The following NUMA1 variants were observed in gnomAD, a reference collection of about 807,000 sequenced individuals.
NUMA1 encodes the protein SP-H antigen.
A neutral mutation model predicts 237.1 loss-of-function variants in NUMA1; 62 were observed. That is an observed-to-expected ratio of 0.26 (90% CI 0.21 to 0.32). The LOEUF is 0.32. NUMA1 is among the 10% of genes least tolerant of loss of function. NUMA1 has a pLI of 1.00. For synonymous variants in NUMA1, 1,028 were observed against 1,066.1 expected, an observed-to-expected ratio of 0.96 and a Z score of 0.70; for missense variants, 2,533 against 2,666.5, an observed-to-expected ratio of 0.95 and a Z score of 1.10.
At chr11:72,048,332 C>A (rs1459203317) in intron 2 of NUMA1, among the ~76,000 whole-genome samples, 4 of 151,708 alleles carry the variant, frequency 2.6e-5, no homozygotes, top group African/African-American at 7.3e-5. Flanking sequence ...AGCACATTCT[C>A]AGCAAATCAA....
Position 72,009,364 on chromosome 11 carries a change from C to A in NUMA1, c.4743G>T (p.Glu1581Asp). The A allele has an allele frequency of 6.2e-7, 1 of 1,610,898 alleles. No homozygotes were observed. ...GGAGGCGCTGGGCCTCCTGCTGGCT[C>A]TCGCCTCCCTGAGCCTGGACAGCCT... ...KLKAVQAQGG[E>D]SQQEAQRLQA... The change falls in exon 18 of 27, where the codon GAG (glutamate) becomes GAT (aspartate). Residue 1581 changes from glutamate (E) to aspartate (D), a missense_variant. By Grantham distance (45) the Glu-to-Asp change is conservative. Around this residue, in one of 3 missense-constraint regions of NUMA1, gnomAD observed 795 missense variants for 750.8 expected, o/e 1.06. Coordinates refer to ENST00000393695, the MANE Select transcript of NUMA1 (RefSeq NM_006185.4).
chr11:72,004,026 C>T lies in NUMA1; in HGVS notation c.6197G>A (p.Arg2066Gln), dbSNP rs776674076. 34 of 1,613,520 alleles carry T rather than the reference C, an allele frequency of 2.1e-5. No homozygotes were observed. Among genetic ancestry groups the T allele is most frequent in the Non-Finnish European group, 2.7e-5 (32 of 1,179,732 alleles). Residue 2066 changes from arginine to glutamine, a missense_variant, in exon 26 of 27, where the codon CGG (arginine) becomes CAG (glutamine). Arg to Gln is a conservative substitution (Grantham distance 43). Coordinates refer to ENST00000393695, the MANE Select transcript of NUMA1 (RefSeq NM_006185.4). ...PKKLGNSLLR[R>Q]GASKKALSKA... The stretch of plus-strand genomic sequence containing the variant: ...GGACAGGGCCTTCTTTGAGGCTCCC[C>T]GCCGCAGAAGGCTGTTCCCTAGCTT...
chr11:72,017,900 A>AC (rs1938107910), intron 12 of NUMA1, 73 bp from the exon 13 acceptor site: 1 of 1,538,832 alleles, frequency 6.5e-7, no homozygotes, highest in Non-Finnish European at 8.8e-7. Context: ...TGCTCCCAGA[A>AC]CCCCAGGGGC....
rs1032688383 is a variant in NUMA1, at chr11:72,016,157, T to C, written c.1346A>G (p.Lys449Arg). The change falls in exon 15 of 27, where the codon AAG becomes AGG. Residue 449 changes from lysine to arginine, a missense_variant. This residue lies in a region of NUMA1 where 1,414 missense variants were observed against 1,508.1 expected (regional missense o/e 0.94). Transcript: ENST00000393695. ...LETERGQQEA[K>R]LLAERGHFEE... ...GAAGTGGCCCCGCTCAGCAAGCAGC[T>C]TGGCTTCCTGCTGGCCTCGCTCAGT... 5.0e-6 allele frequency: 8 copies of C among 1,613,832 alleles called. No individual in the cohort carries two copies. The highest frequency in any genetic ancestry group is 1.6e-4 in the Middle Eastern group (1 of 6,072).
At chr11:72,078,666 T>G (rs1390206940) in intron 1 of NUMA1, among the ~76,000 whole-genome samples, 2 of 152,238 alleles carry the variant, frequency 1.3e-5, no homozygotes, top group Admixed American at 6.5e-5. Context: ...AGCTTAGACA[T>G]TACAATTAGT....
intron 20 of NUMA1, chr11:72,007,933 C>G: frequency 2.7e-6 from 1 of 370,786 alleles, no homozygotes; most frequent in Non-Finnish European, 5.3e-6. Flanking sequence ...CACCTAGACT[C>G]ATCATGGCAC....
rs780122187 is a variant in NUMA1 at position 72,007,250 on chromosome 11, C to T, written c.5402G>A (p.Gly1801Asp). ...DSLGDVFLDS[G>D]RKTRSARRRT... ...CCGACGAGCGGAGCGGGTCTTACGA[C>T]CCGAGTCCAGGAAGACGTCTCCCAG... is the stretch of plus-strand genomic sequence containing the variant. The change falls in exon 21 of 27, where the codon GGT becomes GAT. Residue 1801 changes from glycine (G) to aspartate (D), a missense_variant. By Grantham distance (94) the Gly-to-Asp change is moderately conservative (BLOSUM62 -1). This residue lies in a region of NUMA1 where 795 missense variants were observed against 750.8 expected (regional missense o/e 1.06). Transcript: ENST00000393695. 3.2e-5 allele frequency: 52 copies of T among 1,613,300 alleles called. No individual in the cohort carries two copies. In the Admixed American group the frequency reaches 8.3e-4, roughly 26 times the overall value.
intron 8 of NUMA1, chr11:72,020,987 A>G (rs1351365003): frequency 3.7e-6 from 2 of 540,718 alleles, no homozygotes; most frequent in Admixed American, 6.6e-5. Flanking sequence ...AATATCCTAC[A>G]TAACTGCTGC....
At chr11:72,018,728 A>G in intron 10 of NUMA1, 95 bp downstream of exon 10, 1 of 1,441,594 alleles carries the variant, frequency 6.9e-7, no homozygotes, top group Non-Finnish European at 9.4e-7. Flanking sequence ...CTGAGCTCTC[A>G]GCTCCAGGGG....
intron 2 of NUMA1, among the ~76,000 whole-genome samples, chr11:72,043,463 A>G (rs1260657861): frequency 6.7e-6 from 1 of 149,358 alleles, no homozygotes; most frequent in Non-Finnish European, 1.5e-5. Context: ...TCTGGGATCA[A>G]GTGATCCATC....
At chr11:72,028,916 G>A (rs1183646653) in intron 4 of NUMA1, among the ~76,000 whole-genome samples, 1 of 152,246 alleles carries the variant, frequency 6.6e-6, no homozygotes, top group Non-Finnish European at 1.5e-5. Flanking sequence ...GAACCCAAGA[G>A]TGAGCACTTG....
chr11:72,009,504 G>A (rs1457391585), intron 17 of NUMA1, 117 bp from the exon 18 acceptor site: 27 of 1,342,936 alleles, frequency 2.0e-5, no homozygotes, highest in African/African-American at 1.0e-4. Context: ...CTTAGGAAGC[G>A]GAAGAAAACC....
intron 2 of NUMA1, among the ~76,000 whole-genome samples, chr11:72,061,265 T>C (rs796456488): frequency 2.3e-4 from 35 of 152,164 alleles, no homozygotes; most frequent in African/African-American, 7.7e-4. Flanking sequence ...AGCTTCTCAG[T>C]GGGGATTAGT....
intron 3 of NUMA1, among the ~76,000 whole-genome samples, chr11:72,030,653 A>C (rs986278260): frequency 3.9e-5 from 6 of 152,238 alleles, no homozygotes; most frequent in African/African-American, 1.4e-4. Flanking sequence ...TATAGGAAGA[A>C]AGGGTTTGCT....
At chr11:72,004,379 A>G in intron 24 of NUMA1, 38 bp from the exon 25 acceptor site, 1 of 1,568,892 alleles carries the variant, frequency 6.4e-7, no homozygotes, top group Non-Finnish European at 8.7e-7. Flanking sequence ...CAGTAGCAAG[A>G]GGAGTCACAT....
intron 2 of NUMA1, among the ~76,000 whole-genome samples, chr11:72,060,133 G>A (rs1022919605): frequency 3.9e-5 from 6 of 152,102 alleles, no homozygotes; most frequent in African/African-American, 1.4e-4. Context: ...GCCTCTTTCT[G>A]TCAAGTGTAA....
Position 72,017,751 on chromosome 11 carries a change from G to C in NUMA1, c.1055C>G (p.Thr352Ser). 6.2e-7 allele frequency: 1 copy of C among 1,613,502 alleles called. No individual in the cohort carries two copies. Residue 352 changes from threonine (T) to serine (S), a missense_variant, in exon 13 of 27, where the codon ACT (threonine) becomes AGT (serine). Around this residue, in one of 3 missense-constraint regions of NUMA1, gnomAD observed 1,414 missense variants for 1,508.1 expected, o/e 0.94. Transcript: ENST00000393695. ...GGCCTGCTTCTCTAGCCACTCCTGAGTGGCCTTGCTGTGCTCCTCCGTCAG... is the reference window on the plus strand; with the variant it reads ...GGCCTGCTTCTCTAGCCACTCCTGACTGGCCTTGCTGTGCTCCTCCGTCAG... ...NELTEEHSKA[T>S]QEWLEKQAQL...
chr11:72,040,445 T>TACACACACACAC (rs66621771), intron 2 of NUMA1, among the ~76,000 whole-genome samples: 11 of 136,552 alleles, frequency 8.1e-5, no homozygotes, highest in Admixed American at 7.3e-4. Flanking sequence ...CGCGTACACA[T>TACACACACACAC]ACACACACAC....
chr11:72,005,401 G>A, intron 22 of NUMA1, 32 bp from the exon 23 acceptor site: 1 of 1,595,382 alleles, frequency 6.3e-7, no homozygotes, highest in Non-Finnish European at 8.5e-7. Flanking sequence ...GAACAAATGA[G>A]CCTGGAGTCG....
Sources: allele counts gnomAD v4.1 joint callset (sites outside exome capture counted in the v4.1 genomes callset), GRCh38; gene constraint gnomAD v4.1.1; regional missense constraint gnomAD v4.1.1; transcripts MANE v1.5; gene names NCBI Gene and HGNC (gene_info 2026-07-23, HGNC 2026-07-21).